The following POFUT3 variants were observed in gnomAD, a reference collection of about 807,000 sequenced individuals.
POFUT3 encodes protein O-fucosyltransferase 3.
the POFUT3 span, among the ~76,000 whole-genome samples, chr8:33,381,896 C>T: frequency 6.6e-6 from 1 of 152,162 alleles, no homozygotes; most frequent in Non-Finnish European, 1.5e-5. Flanking sequence ...ACTGTAAGCC[C>T]TATGACAAGG....
chr8:33,401,195 C>T, the POFUT3 span, among the ~76,000 whole-genome samples: 5 of 152,040 alleles, frequency 3.3e-5, no homozygotes, highest in East Asian at 5.8e-4. Flanking sequence ...GTTGTCCAGG[C>T]GGCTGGTCTC....
the POFUT3 span, among the ~76,000 whole-genome samples, chr8:33,448,186 A>AT: frequency 6.6e-6 from 1 of 150,694 alleles, no homozygotes; most frequent in South Asian, 2.1e-4. Flanking sequence ...ACAAAAAAAA[A>AT]TTTTTTTTTA....
At chr8:33,357,265 T>C in the POFUT3 span, among the ~76,000 whole-genome samples, 1 of 152,074 alleles carries the variant, frequency 6.6e-6, no homozygotes, top group Non-Finnish European at 1.5e-5. Flanking sequence ...CCTTGGGCAG[T>C]ATGGTCATTT....
At chr8:33,314,713 G>T in the POFUT3 span, among the ~76,000 whole-genome samples, 1 of 152,082 alleles carries the variant, frequency 6.6e-6, no homozygotes, top group African/African-American at 2.4e-5. Flanking sequence ...TCTGTTTTTC[G>T]TAGGAAAAAC....
At chr8:33,313,813 T>C in the POFUT3 span, among the ~76,000 whole-genome samples, 1 of 152,220 alleles carries the variant, frequency 6.6e-6, no homozygotes, top group Non-Finnish European at 1.5e-5. Flanking sequence ...CTTTTTTTAA[T>C]CACATTGCAC....
chr8:33,350,371 T>C, the POFUT3 span, among the ~76,000 whole-genome samples: 2 of 152,142 alleles, frequency 1.3e-5, no homozygotes, highest in Non-Finnish European at 2.9e-5. Flanking sequence ...CCAGGCCCTG[T>C]CTTCTCCCTG....
chr8:33,451,409 CATGTATACATGTGTGT>C, the POFUT3 span, among the ~76,000 whole-genome samples: 2 of 151,352 alleles, frequency 1.3e-5, no homozygotes, highest in Non-Finnish European at 2.9e-5. Context: ...TACATGTGTA[CATGTATACATGTGTGT>C]ATATACGTGT....
the POFUT3 span, among the ~76,000 whole-genome samples, chr8:33,361,617 G>T: frequency 2.6e-5 from 4 of 152,138 alleles, no homozygotes; most frequent in Non-Finnish European, 4.4e-5. Context: ...TAAGCCCTGT[G>T]GTGGCAGCAA....
chr8:33,465,278 C>T, the POFUT3 span, among the ~76,000 whole-genome samples: 1 of 152,038 alleles, frequency 6.6e-6, no homozygotes, highest in South Asian at 2.1e-4. Context: ...AGATATATCA[C>T]TCTACTCAAC....
the POFUT3 span, among the ~76,000 whole-genome samples, chr8:33,336,871 C>G: frequency 5.3e-5 from 8 of 152,120 alleles, no homozygotes; most frequent in Non-Finnish European, 7.4e-5. Flanking sequence ...AGGGGAGAGA[C>G]AGGGAGGGAA....
the POFUT3 span, among the ~76,000 whole-genome samples, chr8:33,472,240 C>A: frequency 6.6e-6 from 1 of 152,212 alleles, no homozygotes; most frequent in African/African-American, 2.4e-5. Flanking sequence ...TCATTTCATG[C>A]ACAAAACACT....
the POFUT3 span, among the ~76,000 whole-genome samples, chr8:33,423,919 A>G: frequency 6.6e-6 from 1 of 151,096 alleles, no homozygotes; most frequent in Non-Finnish European, 1.5e-5. Flanking sequence ...CGGGTGGATC[A>G]TTTCAGGTTA....
At chr8:33,468,239 CAAAAA>C in the POFUT3 span, among the ~76,000 whole-genome samples, 1 of 124,828 alleles carries the variant, frequency 8.0e-6, no homozygotes, top group Non-Finnish European at 1.7e-5. Flanking sequence ...AACTGTGTCT[CAAAAA>C]AAAAAAAAAA....
At chr8:33,426,833 T>C in the POFUT3 span, among the ~76,000 whole-genome samples, 2 of 152,204 alleles carry the variant, frequency 1.3e-5, no homozygotes, top group East Asian at 1.9e-4. Context: ...ATCCTTGTGA[T>C]CTGGCCCTGA....
chr8:33,391,821 C>G, the POFUT3 span, among the ~76,000 whole-genome samples: 1 of 152,142 alleles, frequency 6.6e-6, no homozygotes, highest in African/African-American at 2.4e-5. Flanking sequence ...CTGGGGGGAT[C>G]AGGCACAGGG....
At chr8:33,392,816 T>C in the POFUT3 span, among the ~76,000 whole-genome samples, 2 of 151,920 alleles carry the variant, frequency 1.3e-5, no homozygotes, top group African/African-American at 4.8e-5. Flanking sequence ...AAACCCCGTT[T>C]CTACTAAAAA....
At chr8:33,414,771 C>T in the POFUT3 span, among the ~76,000 whole-genome samples, 1 of 152,074 alleles carries the variant, frequency 6.6e-6, no homozygotes, top group Admixed American at 6.6e-5. Flanking sequence ...TTCCAAACAA[C>T]ACACTGCCTT....
the POFUT3 span, among the ~76,000 whole-genome samples, chr8:33,317,746 G>C: frequency 1.3e-5 from 2 of 151,952 alleles, no homozygotes; most frequent in East Asian, 3.9e-4. Flanking sequence ...TGGCCTTACT[G>C]AGCTGGGCAA....
At chr8:33,455,932 C>G in the POFUT3 span, 1 of 427,020 alleles carries the variant, frequency 2.3e-6, no homozygotes, top group South Asian at 1.7e-5. Flanking sequence ...TGAGTGAAAG[C>G]CAAGCAGCAC....
Sources: allele counts gnomAD v4.1 joint callset (sites outside exome capture counted in the v4.1 genomes callset), GRCh38; gene constraint gnomAD v4.1.1; transcripts MANE v1.5; gene names NCBI Gene and HGNC (gene_info 2026-07-23, HGNC 2026-07-21).